Variants in PHACTR4 observed in about 807,000 individuals in gnomAD.
PHACTR4 encodes phosphatase and actin regulator 4.
In PHACTR4, 51 loss-of-function variants were observed where a neutral mutation model predicts 72.7. That is an observed-to-expected ratio of 0.70 (90% CI 0.56 to 0.89). PHACTR4 has a LOEUF of 0.89. Among genes scored for constraint, PHACTR4 ranks in the 40% least tolerant of loss-of-function variants. The pLI is 0.00. For missense variants in PHACTR4, 731 were observed against 861.8 expected (o/e 0.85, Z 1.90); for synonymous variants, 255 against 302.5 (o/e 0.84, Z 1.63).
chr1:28,432,029 T>A (rs1656301254), intron 2 of PHACTR4, among the ~76,000 whole-genome samples: 1 of 151,940 alleles, frequency 6.6e-6, no homozygotes, highest in African/African-American at 2.4e-5. Flanking sequence ...ACCAACATGG[T>A]GAAACCCTAT....
intron 10 of PHACTR4, 27 bp from the exon 11 acceptor site, chr1:28,490,924 T>C (rs1660998809): frequency 1.2e-6 from 2 of 1,602,316 alleles, no homozygotes; most frequent in East Asian, 4.5e-5. Context: ...GTGAGTAATA[T>C]TCCTTCCTTC....
intron 2 of PHACTR4, among the ~76,000 whole-genome samples, chr1:28,448,975 C>T (rs1657734622): frequency 6.6e-6 from 1 of 151,532 alleles, no homozygotes; most frequent in South Asian, 2.1e-4. Context: ...CATAGCGAAA[C>T]CTGATCTCTA....
chr1:28,485,767 C>T (rs148546179), intron 9 of PHACTR4, among the ~76,000 whole-genome samples: 15,629 of 149,544 alleles, frequency 0.1, 1,848 homozygotes, highest in African/African-American at 0.3. Context: ...GGTGTGGTGG[C>T]GCATGCCTGT....
At chr1:28,493,443 C>T (rs1393335254) in intron 13 of PHACTR4, among the ~76,000 whole-genome samples, 1 of 150,816 alleles carries the variant, frequency 6.6e-6, no homozygotes, top group African/African-American at 2.4e-5. Context: ...GAGGATGATG[C>T]GGGAGAATCA....
chr1:28,479,041 T>C (rs1421142390), intron 8 of PHACTR4, among the ~76,000 whole-genome samples: 1 of 151,940 alleles, frequency 6.6e-6, no homozygotes, highest in Non-Finnish European at 1.5e-5. Flanking sequence ...CCCAGCACTT[T>C]GGGAGGCCGA....
chr1:28,436,708 G>A (rs1292034581), intron 2 of PHACTR4, among the ~76,000 whole-genome samples: 1 of 152,098 alleles, frequency 6.6e-6, no homozygotes, highest in Non-Finnish European at 1.5e-5. Context: ...AGAAAATTTA[G>A]TGTTAGTATA....
Position 28,419,394 on chromosome 1 carries a change from CAT to C in PHACTR4, c.16+11939_16+11940del, listed in dbSNP as rs1395833376. Among the ~76,000 whole-genome samples, 579 of 148,224 alleles carry C rather than the reference CAT, an allele frequency of 3.9e-3. 3 individuals carry two copies. Among genetic ancestry groups the C allele is most frequent in the African/African-American group, 0.014 (531 of 38,190 alleles). ...TATGTAGATATATTATCACTTTACACATATATATACACACACACATATAAAGT... is the reference window on the plus strand; with the variant it reads ...TATGTAGATATATTATCACTTTACACATATATACACACACACATATAAAGT... On this transcript the variant is annotated intron_variant, in intron 2 of 13. Transcript: ENST00000373839.
chr1:28,459,037 C>T, intron 2 of PHACTR4, 48 bp from the exon 3 acceptor site: 7 of 1,512,594 alleles, frequency 4.6e-6, no homozygotes, highest in Non-Finnish European at 6.3e-6. Context: ...AGAGATTATG[C>T]TGAAATAATA....
intron 2 of PHACTR4, among the ~76,000 whole-genome samples, chr1:28,441,331 G>C (rs575089912): frequency 6.6e-6 from 1 of 151,434 alleles, no homozygotes; most frequent in Non-Finnish European, 1.5e-5. Context: ...CTCCCACCTC[G>C]GGCTCCCAAA....
intron 2 of PHACTR4, among the ~76,000 whole-genome samples, chr1:28,454,554 G>A (rs1403034790): frequency 2.6e-5 from 4 of 151,904 alleles, no homozygotes; most frequent in South Asian, 2.1e-4. Flanking sequence ...GTGAGCCGCC[G>A]CGCCCGGCCA....
At chr1:28,489,056 A>G (rs1370028907) in intron 9 of PHACTR4, 114 bp from the exon 10 acceptor site, 13 of 659,172 alleles carry the variant, frequency 2.0e-5, no homozygotes, top group Non-Finnish European at 3.3e-5. Flanking sequence ...CAGTTTGAAA[A>G]TTTGTTGATT....
intron 1 of PHACTR4, among the ~76,000 whole-genome samples, chr1:28,393,298 T>G (rs1405468887): frequency 6.6e-6 from 1 of 152,234 alleles, no homozygotes; most frequent in African/African-American, 2.4e-5. Flanking sequence ...CTTTATATAC[T>G]TGGGAGAAGG....
At position 28,418,161 on chromosome 1, in the gene PHACTR4, A is replaced by T. The variant is rs568243890; in HGVS notation, c.16+10698A>T. ...TCTAAATAAATAAATGCTGACAAAG[A>T]TAGTAGAAAAATACATTTGTCCGGC... is the stretch of plus-strand genomic sequence containing the variant. On this transcript the variant is annotated intron_variant, in intron 2 of 13. Coordinates refer to ENST00000373839, the MANE Select transcript of PHACTR4 (RefSeq NM_001048183.3). 5.9e-5 allele frequency among the ~76,000 whole-genome samples: 9 copies of T among 152,112 alleles called. No individual in the cohort carries two copies. In the East Asian group the frequency reaches 1.7e-3, roughly 29 times the overall value.
At chr1:28,430,954 G>A (rs759777731) in intron 2 of PHACTR4, among the ~76,000 whole-genome samples, 1 of 151,940 alleles carries the variant, frequency 6.6e-6, no homozygotes, top group Non-Finnish European at 1.5e-5. Flanking sequence ...GAGGCAGGCG[G>A]ATCACGAGGT....
chr1:28,407,867 C>G (rs1654468861), intron 2 of PHACTR4, among the ~76,000 whole-genome samples: 1 of 152,148 alleles, frequency 6.6e-6, no homozygotes, highest in Non-Finnish European at 1.5e-5. Context: ...GCCTATAATC[C>G]TAGCACTTTG....
At position 28,489,168 on chromosome 1, in the gene PHACTR4, A is replaced by G; in HGVS notation, c.1761-2A>G. 1 of 1,610,874 alleles carries G rather than the reference A, an allele frequency of 6.2e-7. No homozygotes were observed. The highest frequency in any genetic ancestry group is 8.5e-7 in the Non-Finnish European group (1 of 1,178,110). On this transcript the variant is annotated splice_acceptor_variant, in intron 9 of 13. Transcript: ENST00000373839. LOFTEE classifies it high-confidence loss of function. ...CATTACCTTTATTTATCTCATTTTT[A>G]GGCGACTGAGTCAAAGACCAACACC...
rs138139424 is a variant in PHACTR4 at position 28,392,517 on chromosome 1, C to G, written c.-38-14893C>G. 5.5e-3 allele frequency among the ~76,000 whole-genome samples: 833 copies of G among 151,970 alleles called. 4 individuals are homozygous for G. The highest frequency in any genetic ancestry group is 0.019 in the African/African-American group (806 of 41,436). ...TCCTGAGCTCAAACAATCCTTGCAC[C>G]TCAGCCTCCAGAGTAGCTGGGATTA... On this transcript the variant is annotated intron_variant, in intron 1 of 13. Transcript: ENST00000373839.
chr1:28,396,927 G>C (rs1228863553), intron 1 of PHACTR4, among the ~76,000 whole-genome samples: 2 of 148,730 alleles, frequency 1.3e-5, no homozygotes, highest in Admixed American at 6.8e-5. Flanking sequence ...TCCTGACATC[G>C]GGTGATCTAC....
chr1:28,441,538 C>A (rs1177872983), intron 2 of PHACTR4, among the ~76,000 whole-genome samples: 1 of 152,136 alleles, frequency 6.6e-6, no homozygotes, highest in Non-Finnish European at 1.5e-5. Context: ...ACCAGAGTTT[C>A]TACTGTAGGA....
Sources: gnomAD v4.1 joint callset for allele counts (sites outside exome capture counted in the v4.1 genomes callset) on GRCh38, gnomAD v4.1.1 for gene constraint, MANE v1.5 for transcripts, NCBI Gene and HGNC (gene_info 2026-07-23, HGNC 2026-07-21) for gene names.